The following ATG5 variants were observed in gnomAD, a reference collection of about 807,000 sequenced individuals.
ATG5 encodes the protein autophagy related 5, also known as autophagy protein 5.
In ATG5, 14 loss-of-function variants were observed where a neutral mutation model predicts 36.5. That is an observed-to-expected ratio of 0.38 (90% CI 0.25 to 0.60). The LOEUF is 0.60. ATG5 is among the 20% of genes least tolerant of loss of function. The pLI is 0.60. For synonymous variants in ATG5, 95 were observed against 101.5 expected, an observed-to-expected ratio of 0.94 and a Z score of 0.38; for missense variants, 195 against 326.7, an observed-to-expected ratio of 0.60 and a Z score of 3.11.
chr6:106,273,154 C>T (rs1339441513), intron 5 of ATG5, among the ~76,000 whole-genome samples: 2 of 152,184 alleles, frequency 1.3e-5, no homozygotes, highest in Non-Finnish European at 2.9e-5. Context: ...AGTAGTTATG[C>T]CTCCTACAGT....
At chr6:106,243,366 G>C (rs753661056) in intron 6 of ATG5, among the ~76,000 whole-genome samples, 1 of 152,042 alleles carries the variant, frequency 6.6e-6, no homozygotes, top group Non-Finnish European at 1.5e-5. Context: ...CCAAAGACAA[G>C]TAGGAAATAC....
At chr6:106,244,266 G>C (rs1425594829) in intron 6 of ATG5, among the ~76,000 whole-genome samples, 1 of 152,120 alleles carries the variant, frequency 6.6e-6, no homozygotes, top group Admixed American at 6.6e-5. Context: ...AGAATAACAT[G>C]TAGAACAAAG....
At chr6:106,220,440 T>C (rs1221518589) in intron 6 of ATG5, among the ~76,000 whole-genome samples, 1 of 152,200 alleles carries the variant, frequency 6.6e-6, no homozygotes, top group East Asian at 1.9e-4. Context: ...AGGCGTATAC[T>C]TCATTAATGA....
intron 5 of ATG5, among the ~76,000 whole-genome samples, chr6:106,253,596 C>T (rs1247936980): frequency 6.6e-6 from 1 of 152,180 alleles, no homozygotes; most frequent in Non-Finnish European, 1.5e-5. Flanking sequence ...GCAATTACTT[C>T]TCTCCGTGTT....
intron 4 of ATG5, among the ~76,000 whole-genome samples, chr6:106,292,636 A>G (rs1303262883): frequency 6.6e-6 from 1 of 152,052 alleles, no homozygotes. Flanking sequence ...ATTAACACCA[A>G]CTTTCAAAAC....
intron 6 of ATG5, among the ~76,000 whole-genome samples, chr6:106,246,326 T>C (rs539154367): frequency 1.4e-4 from 21 of 152,060 alleles, no homozygotes; most frequent in Admixed American, 2.6e-4. Flanking sequence ...TCCCACTTTC[T>C]ATCTAATTAT....
intron 6 of ATG5, among the ~76,000 whole-genome samples, chr6:106,205,186 C>T (rs191958368): frequency 2.6e-5 from 4 of 152,222 alleles, no homozygotes; most frequent in African/African-American, 7.2e-5. Flanking sequence ...TGGTGAGAGG[C>T]TGACTGAATA....
chr6:106,228,073 C>T (rs988454058), intron 6 of ATG5, among the ~76,000 whole-genome samples: 1 of 152,154 alleles, frequency 6.6e-6, no homozygotes, highest in Non-Finnish European at 1.5e-5. Context: ...AATTATCCCA[C>T]AAAAAACTTT....
chr6:106,306,630 G>A (rs1770457121), intron 3 of ATG5, among the ~76,000 whole-genome samples: 2 of 152,156 alleles, frequency 1.3e-5, no homozygotes, highest in South Asian at 2.1e-4. Flanking sequence ...GAAAAGCCCC[G>A]CTAGTCACAC....
intron 7 of ATG5, among the ~76,000 whole-genome samples, chr6:106,191,761 T>C (rs1426203204): frequency 1.3e-5 from 2 of 152,146 alleles, no homozygotes; most frequent in East Asian, 3.9e-4. Flanking sequence ...TGATAAAGTA[T>C]GTGAGGACAG....
chr6:106,239,128 T>C (rs987755261), intron 6 of ATG5, among the ~76,000 whole-genome samples: 3 of 151,974 alleles, frequency 2.0e-5, no homozygotes, highest in African/African-American at 7.2e-5. Flanking sequence ...ACAGTCTTGG[T>C]AATGCAATAC....
At chr6:106,245,036 G>A (rs998268563) in intron 6 of ATG5, among the ~76,000 whole-genome samples, 2 of 152,110 alleles carry the variant, frequency 1.3e-5, no homozygotes, top group Non-Finnish European at 2.9e-5. Flanking sequence ...AACATTTCCT[G>A]CACTTAATGT....
intron 5 of ATG5, among the ~76,000 whole-genome samples, chr6:106,263,344 A>G (rs1194431437): frequency 6.6e-6 from 1 of 152,186 alleles, no homozygotes; most frequent in Admixed American, 6.5e-5. Flanking sequence ...GGCCCCACTC[A>G]TGGGCTAACA....
chr6:106,205,485 C>T (rs1776594531), intron 6 of ATG5, among the ~76,000 whole-genome samples: 1 of 152,084 alleles, frequency 6.6e-6, no homozygotes. Flanking sequence ...TTACACATTG[C>T]ATGCTTATAG....
At chr6:106,308,280 T>C (rs995984313) in intron 3 of ATG5, 84 bp downstream of exon 3, 1 of 1,241,402 alleles carries the variant, frequency 8.1e-7, no homozygotes, top group Non-Finnish European at 1.1e-6. Flanking sequence ...CTCGCAGGAC[T>C]TTTTTTACAA....
Position 106,308,369 on chromosome 6 carries a change from C to T in ATG5, c.231G>A (p.Leu77=), listed in dbSNP as rs1008291825. Residue 77 remains leucine (L), a synonymous_variant, in exon 3 of 8, where the codon CTG becomes CTA. Transcript: ENST00000369076. ...ATGCAGAAAAATTCACTCACCATTT[C>T]AGTGGTGTGCCTTCATATTCAAACC... ...EIWFEYEGTP[L]KWHYPIGLLF... The T allele has an allele frequency of 3.2e-6, 5 of 1,565,844 alleles. No homozygotes were observed. The highest frequency in any genetic ancestry group is 2.0e-5 in the Admixed American group (1 of 49,330).
chr6:106,289,245 C>T (rs1780208628), intron 4 of ATG5, among the ~76,000 whole-genome samples: 1 of 152,110 alleles, frequency 6.6e-6, no homozygotes, highest in Admixed American at 6.5e-5. Context: ...TTAACACTTA[C>T]CCAGTTTCAT....
intron 6 of ATG5, among the ~76,000 whole-genome samples, chr6:106,215,684 G>A (rs551666597): frequency 6.6e-6 from 1 of 151,778 alleles, no homozygotes; most frequent in East Asian, 1.9e-4. Flanking sequence ...GGAAACCTTC[G>A]TGACCTTGGA....
chr6:106,270,056 A>G (rs1310433475), intron 5 of ATG5, among the ~76,000 whole-genome samples: 3 of 152,236 alleles, frequency 2.0e-5, no homozygotes, highest in Non-Finnish European at 4.4e-5. Flanking sequence ...AGTCTACCCA[A>G]AACACTGTAG....
Sources: allele counts gnomAD v4.1 joint callset (sites outside exome capture counted in the v4.1 genomes callset), GRCh38; gene constraint gnomAD v4.1.1; transcripts MANE v1.5; gene names NCBI Gene and HGNC (gene_info 2026-07-23, HGNC 2026-07-21).